PCDHGA12: variants seen among roughly 807,000 people sequenced by gnomAD.
PCDHGA12 encodes protocadherin gamma-A12.
PCDHGA12 carries 43 observed loss-of-function variants against 61.1 expected under a neutral mutation model. The ratio of observed to expected loss-of-function variants is 0.70; its 90% CI spans 0.55 to 0.91. The LOEUF is 0.91. Ranked by LOEUF, PCDHGA12 falls within the 40% of genes least tolerant of loss-of-function variation. PCDHGA12 has a pLI of 0.00. For synonymous variants in PCDHGA12, 520 were observed against 542.9 expected (o/e 0.96, Z 0.59); for missense variants, 1,236 against 1,227.7 (o/e 1.01, Z -0.10).
chr5:141,504,130 C>T (rs1334901812), intron 2 of PCDHGA12, among the ~76,000 whole-genome samples: 1 of 152,154 alleles, frequency 6.6e-6, no homozygotes, highest in African/African-American at 2.4e-5. Flanking sequence ...TGTTTCCCGC[C>T]AACACTCCCC....
intron 3 of PCDHGA12, among the ~76,000 whole-genome samples, chr5:141,508,528 C>T (rs2099869454): frequency 6.6e-6 from 1 of 152,186 alleles, no homozygotes; most frequent in Admixed American, 6.5e-5. Context: ...AACCTCAGGG[C>T]ACCCCCCACG....
At chr5:141,441,718 C>A in intron 1 of PCDHGA12, 1 of 344,940 alleles carries the variant, frequency 2.9e-6, no homozygotes, top group Non-Finnish European at 5.7e-6. Flanking sequence ...ACGCTGCAGG[C>A]CCGCGACCAG....
intron 1 of PCDHGA12, among the ~76,000 whole-genome samples, chr5:141,451,067 A>G (rs948528671): frequency 6.6e-6 from 1 of 151,848 alleles, no homozygotes; most frequent in African/African-American, 2.4e-5. Flanking sequence ...TGACCTTGTG[A>G]TCCACCCACC....
Position 141,505,463 on chromosome 5 carries a change from A to G in PCDHGA12, c.2554A>G (p.Ile852Val). 1 of 1,614,184 alleles carries G rather than the reference A, an allele frequency of 6.2e-7. No homozygotes were observed. Among genetic ancestry groups the G allele is most frequent in the East Asian group, 2.2e-5 (1 of 44,876 alleles). Residue 852 changes from isoleucine to valine, a missense_variant, in exon 3 of 4, where the codon ATC (isoleucine) becomes GTC (valine). Ile to Val is a conservative substitution (Grantham distance 29). Transcript: ENST00000252085. Reference protein sequence around the residue: ...QFDTEMLQAMILASASEAADG... With the variant: ...QFDTEMLQAMVLASASEAADG... ...TGACACAGAGATGCTGCAAGCCATG[A>G]TCTTGGCGTCCGCCAGTGGTAAGTG...
chr5:141,443,947 T>C (rs2098410978), intron 1 of PCDHGA12, among the ~76,000 whole-genome samples: 1 of 152,082 alleles, frequency 6.6e-6, no homozygotes, highest in Non-Finnish European at 1.5e-5. Flanking sequence ...GGTTTCCTTA[T>C]TGGTATGTAT....
Position 141,433,126 on chromosome 5 carries a change from G to A in PCDHGA12, c.2367G>A (p.Glu789=), listed in dbSNP as rs1390613447. The A allele has an allele frequency of 1.9e-6, 3 of 1,614,120 alleles. No homozygotes were observed. Among genetic ancestry groups the A allele is most frequent in the Middle Eastern group, 1.7e-4 (1 of 6,058 alleles). Residue 789 remains glutamate (E), a synonymous_variant, in exon 1 of 4, where the codon GAG becomes GAA. Coordinates refer to ENST00000252085, the MANE Select transcript of PCDHGA12 (RefSeq NM_003735.3). ...LVSQESFEKS[E]PLLLSGDSVF... ...GCCAGGAGAGCTTTGAAAAAAGCGA[G>A]CCCCTTTTGCTGTCAGGTGATTCGG...
At chr5:141,484,468 C>T (rs2099596877) in intron 1 of PCDHGA12, among the ~76,000 whole-genome samples, 1 of 152,200 alleles carries the variant, frequency 6.6e-6, no homozygotes, top group South Asian at 2.1e-4. Context: ...ATGTGTAAGC[C>T]TTTTCTGCAA....
At chr5:141,444,531 C>T (rs1021207516) in intron 1 of PCDHGA12, among the ~76,000 whole-genome samples, 2 of 152,100 alleles carry the variant, frequency 1.3e-5, no homozygotes, top group Non-Finnish European at 1.5e-5. Context: ...GAGACAGTGA[C>T]TGTGTCTAGT....
chr5:141,496,943 T>C (rs1023861484), intron 2 of PCDHGA12, among the ~76,000 whole-genome samples: 2 of 151,258 alleles, frequency 1.3e-5, no homozygotes, highest in African/African-American at 2.4e-5. Flanking sequence ...CCCAGCACTT[T>C]GGGAGGCCAA....
intron 2 of PCDHGA12, among the ~76,000 whole-genome samples, chr5:141,495,623 C>T (rs990126072): frequency 3.3e-5 from 5 of 152,208 alleles, no homozygotes; most frequent in South Asian, 2.1e-4. Context: ...GCACCTCAGC[C>T]TCAGTCCCTT....
At position 141,491,686 on chromosome 5, in the gene PCDHGA12, C is replaced by CG; in HGVS notation, c.2425-3118dup. 1 of 1,612,970 alleles carries CG rather than the reference C, an allele frequency of 6.2e-7. No individual in the cohort carries two copies. The highest frequency in any genetic ancestry group is 2.2e-5 in the East Asian group (1 of 44,838). ...CATCCGGTCCCGCTCTAATACGCTG[C>CG]GGGAGCGGAGCCAGGTGAGGGGCTC... On this transcript the variant is annotated intron_variant, in intron 1 of 3. Transcript: ENST00000252085. The surrounding 1 kb of genome is among the most constrained non-coding windows in gnomAD (Gnocchi z 6.9).
chr5:141,436,713 G>T (rs2097842329), intron 1 of PCDHGA12, among the ~76,000 whole-genome samples: 1 of 152,190 alleles, frequency 6.6e-6, no homozygotes, highest in Non-Finnish European at 1.5e-5. Context: ...TCGATGTTCT[G>T]TTGGGAAAAA....
intron 1 of PCDHGA12, among the ~76,000 whole-genome samples, chr5:141,483,276 TA>T (rs755290434): frequency 2.2e-4 from 33 of 152,238 alleles, no homozygotes; most frequent in Non-Finnish European, 3.8e-4. Context: ...TTAGAAATAT[TA>T]TTCTGTCAGT....
chr5:141,432,416 C>T lies in PCDHGA12; in HGVS notation c.1657C>T (p.Leu553=). 4 of 1,614,258 alleles carry T rather than the reference C, an allele frequency of 2.5e-6. No individual in the cohort carries two copies. Among genetic ancestry groups the T allele is most frequent in the Non-Finnish European group, 3.4e-6 (4 of 1,180,048 alleles). ...SSNVSLSLFV[L]DQNDNAPEIL... is the part of the protein sequence containing the mutation. ...CAACGTGTCGTTGAGCCTGTTCGTG[C>T]TGGACCAGAACGACAATGCGCCCGA... The change falls in exon 1 of 4, where the codon CTG becomes TTG. Residue 553 remains leucine (L), a synonymous_variant. Coordinates refer to ENST00000252085, the MANE Select transcript of PCDHGA12 (RefSeq NM_003735.3). The surrounding 1 kb of genome is among the most constrained non-coding windows in gnomAD (Gnocchi z 6.0).
intron 1 of PCDHGA12, among the ~76,000 whole-genome samples, chr5:141,465,966 C>T (rs904439039): frequency 5.3e-5 from 8 of 151,802 alleles, no homozygotes; most frequent in Non-Finnish European, 1.0e-4. Context: ...ACTAAAAATA[C>T]AAAAAATTAG....
intron 1 of PCDHGA12, among the ~76,000 whole-genome samples, chr5:141,447,954 CGGACACCTA>C (rs2098556369): frequency 6.6e-6 from 1 of 151,814 alleles, no homozygotes; most frequent in Non-Finnish European, 1.5e-5. Context: ...GGCATGGTGG[CGGACACCTA>C]TAATCCCAGC....
Position 141,431,755 on chromosome 5 carries a change from AGTCCT to A in PCDHGA12, c.998_1002del (p.Val333AspfsTer39). On this transcript the variant is annotated frameshift_variant, in exon 1 of 4. Coordinates refer to ENST00000252085, the MANE Select transcript of PCDHGA12 (RefSeq NM_003735.3). LOFTEE classifies it high-confidence loss of function. This position sits in a 1 kb window ranked among gnomAD's most constrained non-coding sequence, Gnocchi z 4.8. ...ATGCAGGATATTCTGCGCGAGCCAA[AGTCCT>A]GATCACTGTTCTGGACGTGAACGAC... 6.2e-7 allele frequency: 1 copy of A among 1,614,238 alleles called. No individual in the cohort carries two copies. Among genetic ancestry groups the A allele is most frequent in the Non-Finnish European group, 8.5e-7 (1 of 1,180,048 alleles).
At chr5:141,452,511 A>G (rs573632978) in intron 1 of PCDHGA12, among the ~76,000 whole-genome samples, 1 of 152,056 alleles carries the variant, frequency 6.6e-6, no homozygotes, top group South Asian at 2.1e-4. Context: ...TTGTACACAC[A>G]CTCCCTCAAA....
chr5:141,478,392 A>T, intron 1 of PCDHGA12: 1 of 1,613,560 alleles, frequency 6.2e-7, no homozygotes, highest in East Asian at 2.2e-5. Flanking sequence ...CTTTACCATC[A>T]GGTGTATCTC....
Sources: gnomAD v4.1 joint callset for allele counts (sites outside exome capture counted in the v4.1 genomes callset) on GRCh38, gnomAD v4.1.1 for gene constraint, Gnocchi (gnomAD v3.1) non-coding constraint, MANE v1.5 for transcripts, NCBI Gene and HGNC (gene_info 2026-07-23, HGNC 2026-07-21) for gene names.